Variants in TMEM132D observed in about 807,000 individuals in gnomAD.
TMEM132D encodes transmembrane protein 132D.
A neutral mutation model predicts 62.3 loss-of-function variants in TMEM132D; 21 were observed. The observed-to-expected ratio is 0.34, with a 90% CI of 0.24 to 0.49. TMEM132D has a LOEUF of 0.49. TMEM132D is among the 20% of genes least tolerant of loss of function. The pLI, the probability that TMEM132D is intolerant of heterozygous loss-of-function variation, is 0.99. For synonymous variants in TMEM132D, 621 were observed against 575.6 expected, an observed-to-expected ratio of 1.08 and a Z score of -1.13; for missense variants, 1,346 against 1,402.8, an observed-to-expected ratio of 0.96 and a Z score of 0.65.
chr12:129,468,204 T>TGTGA lies in TMEM132D; in HGVS notation c.1115+62854_1115+62855insTCAC, dbSNP rs71082725. Among the ~76,000 whole-genome samples, 552 of 151,092 alleles carry TGTGA rather than the reference T, an allele frequency of 3.7e-3. 2 individuals are homozygous for TGTGA. Among genetic ancestry groups the TGTGA allele is most frequent in the Non-Finnish European group, 7.0e-3 (473 of 67,674 alleles). On this transcript the variant is annotated intron_variant, in intron 3 of 8. Coordinates refer to ENST00000422113, the MANE Select transcript of TMEM132D (RefSeq NM_133448.3). ...AAAGCTTTGTGTGTGTGTGTGTGTGTTTTCTCCCCTGGCTTCTGACTCGGA... is the reference window on the plus strand; with the variant it reads ...AAAGCTTTGTGTGTGTGTGTGTGTGTGTGATTTCTCCCCTGGCTTCTGACTCGGA...
At chr12:129,116,261 T>G (rs1875886912) in intron 5 of TMEM132D, among the ~76,000 whole-genome samples, 1 of 152,152 alleles carries the variant, frequency 6.6e-6, no homozygotes. Context: ...CCTTATGGCA[T>G]GGCACATAGA....
intron 3 of TMEM132D, among the ~76,000 whole-genome samples, chr12:129,357,526 G>T (rs1418591661): frequency 6.7e-6 from 1 of 149,256 alleles, no homozygotes; most frequent in Non-Finnish European, 1.5e-5. Flanking sequence ...AAGAAGGAAG[G>T]AAAGAAAGGA....
intron 5 of TMEM132D, among the ~76,000 whole-genome samples, chr12:129,086,490 T>G (rs2135621883): frequency 6.6e-6 from 1 of 152,224 alleles, no homozygotes; most frequent in African/African-American, 2.4e-5. Context: ...TAAGTAAGAA[T>G]AAGTGGTGTT....
At chr12:129,605,994 A>G (rs1878615274) in intron 2 of TMEM132D, among the ~76,000 whole-genome samples, 2 of 152,228 alleles carry the variant, frequency 1.3e-5, no homozygotes, top group South Asian at 4.2e-4. Context: ...AGAATTAACA[A>G]TCAACATACC....
At chr12:129,612,360 T>TGGCCAAGTTGCA (rs1244443348) in intron 2 of TMEM132D, among the ~76,000 whole-genome samples, 5 of 152,192 alleles carry the variant, frequency 3.3e-5, no homozygotes, top group African/African-American at 1.2e-4. Context: ...GAACGCCTCC[T>TGGCCAAGTTGCA]GGCCAAGTTG....
At chr12:129,863,657 A>G (rs1373532937) in intron 1 of TMEM132D, among the ~76,000 whole-genome samples, 1 of 152,164 alleles carries the variant, frequency 6.6e-6, no homozygotes, top group Non-Finnish European at 1.5e-5. Flanking sequence ...AAACATTGGG[A>G]TTGGGGTAAA....
At chr12:129,327,692 C>T (rs572399717) in intron 4 of TMEM132D, among the ~76,000 whole-genome samples, 2 of 152,290 alleles carry the variant, frequency 1.3e-5, no homozygotes, top group East Asian at 3.9e-4. Flanking sequence ...TTCACCATCC[C>T]CATCATCACC....
intron 2 of TMEM132D, among the ~76,000 whole-genome samples, chr12:129,571,668 T>C (rs1353486717): frequency 6.6e-6 from 1 of 152,050 alleles, no homozygotes; most frequent in Non-Finnish European, 1.5e-5. Flanking sequence ...ATGTGCACCG[T>C]GGGCTCATTT....
chr12:129,573,186 C>A (rs368125964), intron 2 of TMEM132D, among the ~76,000 whole-genome samples: 30 of 152,116 alleles, frequency 2.0e-4, no homozygotes, highest in Admixed American at 2.0e-3. Context: ...AGGGGCTCAT[C>A]GGCCAGCTGT....
At chr12:129,631,729 G>C (rs1426874754) in intron 2 of TMEM132D, among the ~76,000 whole-genome samples, 2 of 152,156 alleles carry the variant, frequency 1.3e-5, no homozygotes, top group African/African-American at 4.8e-5. Context: ...TGTCTCCCAG[G>C]GAGCTGGAAT....
chr12:129,617,871 C>T (rs1878964771), intron 2 of TMEM132D, among the ~76,000 whole-genome samples: 1 of 152,144 alleles, frequency 6.6e-6, no homozygotes, highest in African/African-American at 2.4e-5. Context: ...AATATGAATA[C>T]TAGGGGGATG....
intron 1 of TMEM132D, among the ~76,000 whole-genome samples, chr12:129,762,895 C>A (rs1471838188): frequency 1.3e-5 from 2 of 152,154 alleles, no homozygotes; most frequent in Non-Finnish European, 2.9e-5. Context: ...TTGAACTCTG[C>A]AGTTGTTGTT....
intron 5 of TMEM132D, among the ~76,000 whole-genome samples, chr12:129,090,671 A>AG (rs1232209764): frequency 6.6e-5 from 10 of 151,990 alleles, no homozygotes; most frequent in African/African-American, 2.4e-4. Flanking sequence ...CTGTCTGAAA[A>AG]AAAAAGAAAA....
chr12:129,801,099 G>C (rs966525509), intron 1 of TMEM132D, among the ~76,000 whole-genome samples: 1 of 152,244 alleles, frequency 6.6e-6, no homozygotes, highest in South Asian at 2.1e-4. Context: ...TAGCACAGCA[G>C]TCTGAGATCA....
Position 129,084,641 on chromosome 12 carries a change from A to G in TMEM132D, c.1505T>C (p.Val502Ala), listed in dbSNP as rs1175981657. ...GTGCTGGTAGGTGAAGTTCACCACC[A>G]CGTTGACCTTGCCTTTCATTTCTTT... The part of the protein sequence containing the change: ...NGKEMKGKVN[V>A]VVNFTYQHLS... Residue 502 changes from valine (V) to alanine (A), a missense_variant, in exon 6 of 9, where the codon GTG becomes GCG. Coordinates refer to ENST00000422113, the MANE Select transcript of TMEM132D (RefSeq NM_133448.3). 3 of 1,614,018 alleles carry G rather than the reference A, an allele frequency of 1.9e-6. No homozygotes were observed. The highest frequency in any genetic ancestry group is 2.5e-6 in the Non-Finnish European group (3 of 1,180,040).
intron 1 of TMEM132D, among the ~76,000 whole-genome samples, chr12:129,819,487 C>G (rs916065292): frequency 6.6e-6 from 1 of 152,182 alleles, no homozygotes; most frequent in Admixed American, 6.5e-5. Flanking sequence ...AGGTACAACT[C>G]CACACGCCCC....
chr12:129,825,409 C>T (rs1182939675), intron 1 of TMEM132D, among the ~76,000 whole-genome samples: 1 of 152,160 alleles, frequency 6.6e-6, no homozygotes, highest in African/African-American at 2.4e-5. Context: ...CACTCTGCTG[C>T]CTCCACCGCT....
At chr12:129,226,085 G>A (rs1879473434) in intron 4 of TMEM132D, among the ~76,000 whole-genome samples, 1 of 152,204 alleles carries the variant, frequency 6.6e-6, no homozygotes, top group African/African-American at 2.4e-5. Flanking sequence ...TTTCAAGGGT[G>A]ATGTTGATTG....
intron 3 of TMEM132D, chr12:129,521,717 C>T (rs1405216702): frequency 3.3e-5 from 5 of 152,170 alleles, no homozygotes; most frequent in Non-Finnish European, 7.3e-5. Context: ...ACGCTTCTGT[C>T]GCTTGTTCTT....
Sources: gnomAD v4.1 joint callset for allele counts (sites outside exome capture counted in the v4.1 genomes callset) on GRCh38, gnomAD v4.1.1 for gene constraint, MANE v1.5 for transcripts, NCBI Gene and HGNC (gene_info 2026-07-23, HGNC 2026-07-21) for gene names.